KCNJ3: variants seen among roughly 807,000 people sequenced by gnomAD.
The protein encoded by KCNJ3 is potassium inwardly rectifying channel subfamily J member 3, also known as G protein-activated inward rectifier potassium channel 1.
KCNJ3 carries 4 observed loss-of-function variants against 39.2 expected under a neutral mutation model. The observed-to-expected ratio is 0.10, with a 90% CI of 0.05 to 0.23. The LOEUF is 0.23. KCNJ3 is among the 10% of genes least tolerant of loss of function. The pLI is 1.00. For synonymous variants in KCNJ3, 230 were observed against 237.4 expected, an observed-to-expected ratio of 0.97 and a Z score of 0.29; for missense variants, 276 against 634.9, an observed-to-expected ratio of 0.43 and a Z score of 6.08.
intron 2 of KCNJ3, among the ~76,000 whole-genome samples, chr2:154,732,851 A>G (rs751231116): frequency 2.0e-5 from 3 of 152,174 alleles, no homozygotes; most frequent in Non-Finnish European, 4.4e-5. Context: ...GAAGTACCAG[A>G]GATTAATCAA....
chr2:154,781,319 T>G (rs1308659260), intron 2 of KCNJ3, among the ~76,000 whole-genome samples: 1 of 152,198 alleles, frequency 6.6e-6, no homozygotes, highest in Non-Finnish European at 1.5e-5. Flanking sequence ...AACAAGAAAT[T>G]AATTCACTCT....
chr2:154,790,798 A>T (rs928152838), intron 2 of KCNJ3, among the ~76,000 whole-genome samples: 2 of 152,056 alleles, frequency 1.3e-5, no homozygotes, highest in Non-Finnish European at 2.9e-5. Flanking sequence ...GACGTATGGA[A>T]TATACAGCAG....
chr2:154,790,815 C>A (rs200459642), intron 2 of KCNJ3, among the ~76,000 whole-genome samples: 112 of 152,024 alleles, frequency 7.4e-4, no homozygotes, highest in African/African-American at 2.7e-3. Context: ...GCAGGAATTG[C>A]GTGGGAGTCC....
chr2:154,718,631 G>A (rs1685218959), intron 2 of KCNJ3, among the ~76,000 whole-genome samples: 1 of 152,086 alleles, frequency 6.6e-6, no homozygotes, highest in Admixed American at 6.6e-5. Flanking sequence ...CTTAGGATTG[G>A]TGTATTCCAC....
chr2:154,740,699 A>G (rs1685638854), intron 2 of KCNJ3, among the ~76,000 whole-genome samples: 1 of 151,848 alleles, frequency 6.6e-6, no homozygotes, highest in African/African-American at 2.4e-5. Context: ...TCCTTTCTAT[A>G]TTTTTTGGTG....
chr2:154,785,391 A>G (rs756341798), intron 2 of KCNJ3, among the ~76,000 whole-genome samples: 2 of 152,114 alleles, frequency 1.3e-5, no homozygotes, highest in Non-Finnish European at 2.9e-5. Context: ...CTCTGTGCAC[A>G]TGTGCTATGG....
intron 2 of KCNJ3, among the ~76,000 whole-genome samples, chr2:154,826,266 G>A (rs1687270702): frequency 6.6e-6 from 1 of 152,086 alleles, no homozygotes; most frequent in Non-Finnish European, 1.5e-5. Context: ...CTGCCCAATG[G>A]GATATGTGAA....
chr2:154,779,128 G>A (rs1388823878), intron 2 of KCNJ3, among the ~76,000 whole-genome samples: 1 of 151,932 alleles, frequency 6.6e-6, no homozygotes, highest in Non-Finnish European at 1.5e-5. Flanking sequence ...CTATTCTTGT[G>A]TGGTACAGGG....
At chr2:154,701,211 T>C (rs1458564481) in intron 1 of KCNJ3, among the ~76,000 whole-genome samples, 3 of 152,116 alleles carry the variant, frequency 2.0e-5, no homozygotes, top group Admixed American at 1.3e-4. Flanking sequence ...TTTGTTAGTA[T>C]AGTGGCAAGG....
At chr2:154,815,621 A>G (rs1342977692) in intron 2 of KCNJ3, among the ~76,000 whole-genome samples, 1 of 152,232 alleles carries the variant, frequency 6.6e-6, no homozygotes, top group Non-Finnish European at 1.5e-5. Context: ...TGAAGTGCTC[A>G]TGCATTTTGA....
intron 2 of KCNJ3, among the ~76,000 whole-genome samples, chr2:154,760,109 A>G (rs1686012046): frequency 1.3e-5 from 2 of 152,204 alleles, no homozygotes; most frequent in African/African-American, 4.8e-5. Context: ...CCAGCTATTC[A>G]TGAACTCTGT....
intron 2 of KCNJ3, among the ~76,000 whole-genome samples, chr2:154,733,407 A>G (rs1685476831): frequency 1.3e-5 from 2 of 152,130 alleles, no homozygotes; most frequent in African/African-American, 2.4e-5. Context: ...TTTGCCTTGC[A>G]AAACAAAAAT....
rs13418094 is a variant in KCNJ3, at chr2:154,829,647, G to T, written c.920-25080G>T. On this transcript the variant is annotated intron_variant, in intron 2 of 2. Transcript: ENST00000295101. ...TTATATTCTTTTGGGTATATACCCA[G>T]TAAAGGGATGGCTAGGTCATACGGT... Among the ~76,000 whole-genome samples the T allele has an allele frequency of 7.3e-3, 1,119 of 152,276 alleles. 18 individuals carry two copies. Among genetic ancestry groups the T allele is most frequent in the African/African-American group, 0.026 (1,063 of 41,560 alleles).
At chr2:154,754,605 A>G (rs901173924) in intron 2 of KCNJ3, among the ~76,000 whole-genome samples, 3 of 152,154 alleles carry the variant, frequency 2.0e-5, no homozygotes, top group East Asian at 1.9e-4. Context: ...ACTTCAATAT[A>G]TGGCATAATA....
chr2:154,822,186 C>T (rs1198225625), intron 2 of KCNJ3, among the ~76,000 whole-genome samples: 1 of 152,122 alleles, frequency 6.6e-6, no homozygotes. Flanking sequence ...CAGACGTTTA[C>T]AAATGAACAC....
Position 154,774,901 on chromosome 2 carries a change from T to C in KCNJ3, c.919+65082T>C, listed in dbSNP as rs182628509. Among the ~76,000 whole-genome samples, 583 of 137,646 alleles carry C rather than the reference T, an allele frequency of 4.2e-3. 2 individuals are homozygous for C. Among genetic ancestry groups the C allele is most frequent in the Non-Finnish European group, 6.9e-3 (431 of 62,540 alleles). 90.3% of individuals were successfully genotyped at this position (137,646 alleles called of 152,430 possible). A position where few individuals can be genotyped will look rare whatever the true frequency, so the allele number is the denominator to read the frequency against. ...AATTTTATTTTTACTAACTTTTCTC[T>C]TTTTTTGTTGTTTTTGTTTGGTTTG... On this transcript the variant is annotated intron_variant, in intron 2 of 2. Transcript: ENST00000295101.
At chr2:154,739,632 A>C (rs1685611249) in intron 2 of KCNJ3, among the ~76,000 whole-genome samples, 1 of 152,046 alleles carries the variant, frequency 6.6e-6, no homozygotes, top group Admixed American at 6.6e-5. Flanking sequence ...TCAAGCATAC[A>C]TCTGAGTCTT....
chr2:154,733,295 TAA>T (rs1305944932), intron 2 of KCNJ3, among the ~76,000 whole-genome samples: 3 of 152,120 alleles, frequency 2.0e-5, no homozygotes, highest in African/African-American at 2.4e-5. Context: ...TTAAAAATCT[TAA>T]GAGTCCTACT....
At chr2:154,703,532 A>G (rs1385630988) in intron 1 of KCNJ3, among the ~76,000 whole-genome samples, 2 of 151,448 alleles carry the variant, frequency 1.3e-5, no homozygotes, top group African/African-American at 2.4e-5. Flanking sequence ...ATATATATCT[A>G]TATTCCAAAT....
Sources: allele counts gnomAD v4.1 joint callset (sites outside exome capture counted in the v4.1 genomes callset), GRCh38; gene constraint gnomAD v4.1.1; transcripts MANE v1.5; gene names NCBI Gene and HGNC (gene_info 2026-07-23, HGNC 2026-07-21).